The following TENM3 variants were observed in gnomAD, a reference collection of about 807,000 sequenced individuals.
The protein encoded by TENM3 is teneurin transmembrane protein 3, also known as teneurin-3.
A neutral mutation model predicts 255.1 loss-of-function variants in TENM3; 63 were observed. That is an observed-to-expected ratio of 0.25 (90% confidence interval 0.20 to 0.30). TENM3 has a LOEUF of 0.30. TENM3 is among the 10% of genes least tolerant of loss of function. The probability of loss-of-function intolerance (pLI) is 1.00; values close to 1 mark genes in which losing one functional copy is unlikely to be tolerated. For missense variants in TENM3, 2,929 were observed against 3,461.1 expected, an observed-to-expected ratio of 0.85 and a Z score of 3.86; for synonymous variants, 1,306 against 1,322.3, an observed-to-expected ratio of 0.99 and a Z score of 0.27.
At chr4:182,729,252 C>T in intron 14 of TENM3, 71 bp downstream of exon 14, 2 of 1,319,572 alleles carry the variant, frequency 1.5e-6, no homozygotes, top group Non-Finnish European at 2.2e-6. Flanking sequence ...ATGTGAAATA[C>T]TCATGACTGT....
chr4:181,523,590 C>T, the TENM3 span, among the ~76,000 whole-genome samples: 7 of 152,112 alleles, frequency 4.6e-5, no homozygotes, highest in African/African-American at 1.7e-4. Context: ...TGTACATTCT[C>T]TGGGTGTCAC....
intron 4 of TENM3, among the ~76,000 whole-genome samples, chr4:182,612,481 A>G (rs967224341): frequency 6.6e-6 from 1 of 152,156 alleles, no homozygotes; most frequent in Non-Finnish European, 1.5e-5. Flanking sequence ...ACGATCACCC[A>G]TGCGTAAAAT....
intron 24 of TENM3, among the ~76,000 whole-genome samples, chr4:182,787,119 T>C (rs1015713740): frequency 6.6e-6 from 1 of 152,122 alleles, no homozygotes; most frequent in African/African-American, 2.4e-5. Context: ...ACTCATAAAG[T>C]TTCACAAAAT....
chr4:181,776,694 G>A, the TENM3 span, among the ~76,000 whole-genome samples: 3 of 152,022 alleles, frequency 2.0e-5, no homozygotes, highest in African/African-American at 4.8e-5. Context: ...ATTTTTTCAT[G>A]TACCTGTTGG....
At chr4:181,951,457 G>A in the TENM3 span, among the ~76,000 whole-genome samples, 1 of 152,226 alleles carries the variant, frequency 6.6e-6, no homozygotes, top group Non-Finnish European at 1.5e-5. Flanking sequence ...TGTTGACAGA[G>A]GTTGACACTT....
chr4:181,681,661 G>A, the TENM3 span, among the ~76,000 whole-genome samples: 53 of 152,140 alleles, frequency 3.5e-4, no homozygotes, highest in African/African-American at 1.2e-3. Context: ...AGGAAATACC[G>A]ACTCACGATG....
At chr4:181,552,467 C>T in the TENM3 span, among the ~76,000 whole-genome samples, 1 of 152,188 alleles carries the variant, frequency 6.6e-6, no homozygotes, top group Admixed American at 6.5e-5. Flanking sequence ...TGCAAAGGTT[C>T]TAATCCCTGA....
At chr4:181,591,947 G>T in the TENM3 span, among the ~76,000 whole-genome samples, 2 of 124,404 alleles carry the variant, frequency 1.6e-5, no homozygotes, top group African/African-American at 5.6e-5. Context: ...TATGCTGAGT[G>T]AAAAAAGCCA....
chr4:182,075,141 C>A, the TENM3 span, among the ~76,000 whole-genome samples: 1 of 151,342 alleles, frequency 6.6e-6, no homozygotes, highest in South Asian at 2.1e-4. Flanking sequence ...TTTTCTCAGA[C>A]GTGGCAGAGT....
chr4:182,112,515 A>C, the TENM3 span, among the ~76,000 whole-genome samples: 1 of 152,354 alleles, frequency 6.6e-6, no homozygotes, highest in Non-Finnish European at 1.5e-5. Context: ...CAGAGAAAGT[A>C]ATCAATGACT....
the TENM3 span, among the ~76,000 whole-genome samples, chr4:181,564,683 G>A: frequency 6.6e-6 from 1 of 152,138 alleles, no homozygotes; most frequent in Non-Finnish European, 1.5e-5. Context: ...TCTCTGCCGT[G>A]AAAGTGTAGA....
chr4:182,563,789 G>C (rs1554036), intron 3 of TENM3, among the ~76,000 whole-genome samples: 64,742 of 152,054 alleles, frequency 0.43, 16,560 homozygotes, highest in East Asian at 0.61. Flanking sequence ...GAAAAAAGCT[G>C]TTACAAATAT....
chr4:182,143,149 G>C (rs982259106), upstream of TENM3: 5 of 167,266 alleles, frequency 3.0e-5, no homozygotes, highest in African/African-American at 1.2e-4. This position sits in a 1 kb window ranked among gnomAD's most constrained non-coding sequence, Gnocchi z 4.3. Context: ...TCTGAGGGGA[G>C]AATGGAGAGG....
chr4:182,457,957 A>G (rs552188205), intron 3 of TENM3, among the ~76,000 whole-genome samples: 2 of 152,282 alleles, frequency 1.3e-5, no homozygotes. Flanking sequence ...TGTAAGTTCT[A>G]TTTCCTATTC....
the TENM3 span, among the ~76,000 whole-genome samples, chr4:181,545,042 G>A: frequency 6.6e-6 from 1 of 152,144 alleles, no homozygotes; most frequent in Admixed American, 6.5e-5. Context: ...TTTTTTGTCG[G>A]CACATTTTGA....
chr4:182,755,857 C>G (rs762334265), intron 22 of TENM3, among the ~76,000 whole-genome samples: 4 of 152,070 alleles, frequency 2.6e-5, no homozygotes, highest in Non-Finnish European at 5.9e-5. Flanking sequence ...AAAAAAGATA[C>G]CTCTTTCTGA....
the TENM3 span, among the ~76,000 whole-genome samples, chr4:181,834,515 A>G: frequency 6.6e-6 from 1 of 152,240 alleles, no homozygotes; most frequent in Non-Finnish European, 1.5e-5. Flanking sequence ...GCCAACTGGC[A>G]TACGAGCAGC....
intron 26 of TENM3, among the ~76,000 whole-genome samples, 171 bp from the exon 27 acceptor site, chr4:182,796,466 C>T (rs148015849): frequency 9.0e-4 from 137 of 152,294 alleles, no homozygotes; most frequent in Non-Finnish European, 1.5e-3. Context: ...TGAAGGTTAC[C>T]GTCTTCATGT....
chr4:182,029,641 A>T, the TENM3 span, among the ~76,000 whole-genome samples: 1 of 152,160 alleles, frequency 6.6e-6, no homozygotes, highest in African/African-American at 2.4e-5. Flanking sequence ...CTGATGTAAG[A>T]GTAGTTGAAT....
Sources: allele counts gnomAD v4.1 joint callset (sites outside exome capture counted in the v4.1 genomes callset), GRCh38; gene constraint gnomAD v4.1.1; non-coding constraint Gnocchi (gnomAD v3.1); transcripts MANE v1.5; gene names NCBI Gene and HGNC (gene_info 2026-07-23, HGNC 2026-07-21).